GALNT10: variants seen among roughly 807,000 people sequenced by gnomAD.
GALNT10 encodes polypeptide N-acetylgalactosaminyltransferase 10, also known as GalNAc transferase 10.
In GALNT10, 41 loss-of-function variants were observed where a neutral mutation model predicts 75.0. The ratio of observed to expected loss-of-function variants is 0.55; its 90% CI spans 0.43 to 0.71. GALNT10 has a LOEUF of 0.71. Among genes scored for constraint, GALNT10 ranks in the 30% least tolerant of loss-of-function variants. The probability of loss-of-function intolerance (pLI) is 0.00; values close to 1 mark genes in which losing one functional copy is unlikely to be tolerated. For missense variants in GALNT10, 727 were observed against 818.5 expected (o/e 0.89, Z 1.36); for synonymous variants, 302 against 313.0 (o/e 0.96, Z 0.37).
chr5:154,405,538 C>T (rs924908700), intron 8 of GALNT10, among the ~76,000 whole-genome samples: 5 of 152,008 alleles, frequency 3.3e-5, no homozygotes, highest in Admixed American at 2.0e-4. Flanking sequence ...GAGGAGGGAG[C>T]CAGGCAGGAA....
intron 1 of GALNT10, among the ~76,000 whole-genome samples, chr5:154,264,312 C>T (rs74460668): frequency 3.6e-5 from 2 of 55,556 alleles, no homozygotes; most frequent in African/African-American, 2.6e-4. Context: ...GACTCTGTCT[C>T]CAAAAAAAAA....
intron 3 of GALNT10, among the ~76,000 whole-genome samples, chr5:154,301,681 C>G (rs1015729643): frequency 1.3e-5 from 2 of 151,906 alleles, no homozygotes; most frequent in Admixed American, 1.3e-4. Context: ...GGCAAAACCT[C>G]ATCACATTTG....
chr5:154,211,321 C>T (rs926531225), intron 1 of GALNT10, among the ~76,000 whole-genome samples: 3 of 152,016 alleles, frequency 2.0e-5, no homozygotes, highest in Non-Finnish European at 4.4e-5. Flanking sequence ...TTGAACTGTT[C>T]AGTCAACGTT....
At position 154,301,904 on chromosome 5, in the gene GALNT10, A is replaced by T. The variant is rs569735446; in HGVS notation, c.401+3825A>T. 9.9e-5 allele frequency among the ~76,000 whole-genome samples: 15 copies of T among 151,996 alleles called. No homozygotes were observed. The East Asian group carries it at 2.7e-3, about 28-fold the overall frequency. ...CCTTAGATACCTCTGTCACCAGCCC[A>T]CCCACCCAGCCAGCCAGCCAGCATC... On this transcript the variant is annotated intron_variant, in intron 3 of 11. Coordinates refer to ENST00000297107, the MANE Select transcript of GALNT10 (RefSeq NM_198321.4).
intron 1 of GALNT10, among the ~76,000 whole-genome samples, chr5:154,232,289 T>C (rs1352608406): frequency 6.6e-6 from 1 of 152,162 alleles, no homozygotes. Context: ...TATTGTAAGG[T>C]TAATTGGCTA....
chr5:154,210,701 G>T (rs963273148), intron 1 of GALNT10, among the ~76,000 whole-genome samples: 1 of 151,790 alleles, frequency 6.6e-6, no homozygotes, highest in Non-Finnish European at 1.5e-5. Context: ...TTTGATGAGT[G>T]AAAAAAGGAA....
At chr5:154,351,345 C>G (rs938445370) in intron 4 of GALNT10, among the ~76,000 whole-genome samples, 1 of 152,214 alleles carries the variant, frequency 6.6e-6, no homozygotes, top group African/African-American at 2.4e-5. Flanking sequence ...AGTGTGCAGC[C>G]TTGTGTCCAC....
intron 1 of GALNT10, among the ~76,000 whole-genome samples, chr5:154,279,701 C>T (rs987393543): frequency 3.3e-5 from 5 of 152,216 alleles, no homozygotes; most frequent in African/African-American, 1.2e-4. Flanking sequence ...CCATCTCATC[C>T]TCCCAAGTAG....
intron 1 of GALNT10, chr5:154,287,554 T>G (rs913028940): frequency 1.3e-5 from 2 of 152,152 alleles, no homozygotes; most frequent in Non-Finnish European, 2.9e-5. Flanking sequence ...ATCTATCGAA[T>G]TTATCTGTAC....
intron 7 of GALNT10, chr5:154,387,824 A>T (rs1755829429): frequency 6.6e-6 from 1 of 150,880 alleles, no homozygotes; most frequent in Admixed American, 6.6e-5. Flanking sequence ...GATTAGCCCA[A>T]AAAAAAAAAA....
At chr5:154,219,015 C>G (rs1323287724) in intron 1 of GALNT10, among the ~76,000 whole-genome samples, 1 of 152,190 alleles carries the variant, frequency 6.6e-6, no homozygotes, top group African/African-American at 2.4e-5. Flanking sequence ...CTGCCCAGAG[C>G]CCTCCCCCGG....
At chr5:154,287,013 T>C (rs1242856718) in intron 1 of GALNT10, among the ~76,000 whole-genome samples, 2 of 152,238 alleles carry the variant, frequency 1.3e-5, no homozygotes, top group African/African-American at 4.8e-5. Flanking sequence ...CACTTAAGTC[T>C]GACTGTGGGG....
chr5:154,217,069 G>T (rs1752884658), intron 1 of GALNT10, among the ~76,000 whole-genome samples: 1 of 152,100 alleles, frequency 6.6e-6, no homozygotes, highest in Admixed American at 6.5e-5. Flanking sequence ...TGAGCCATTT[G>T]CCCATAAAAA....
intron 4 of GALNT10, among the ~76,000 whole-genome samples, chr5:154,342,966 T>A (rs2113132883): frequency 6.6e-6 from 1 of 152,354 alleles, no homozygotes; most frequent in East Asian, 1.9e-4. Flanking sequence ...TTTATACTTT[T>A]TCAGGATTTT....
At chr5:154,348,312 A>G (rs958955925) in intron 4 of GALNT10, among the ~76,000 whole-genome samples, 1 of 152,234 alleles carries the variant, frequency 6.6e-6, no homozygotes, top group Admixed American at 6.5e-5. Flanking sequence ...TTGTAATACC[A>G]TCTTAGATAT....
chr5:154,303,414 A>T (rs997575236), intron 3 of GALNT10, among the ~76,000 whole-genome samples: 7 of 152,318 alleles, frequency 4.6e-5, no homozygotes, highest in South Asian at 2.1e-4. Context: ...ACCTACAGAG[A>T]TCTACAGAGT....
intron 4 of GALNT10, among the ~76,000 whole-genome samples, chr5:154,363,200 A>G (rs1755418755): frequency 1.3e-5 from 2 of 152,206 alleles, no homozygotes; most frequent in Non-Finnish European, 2.9e-5. Flanking sequence ...TGGGTGAGAA[A>G]TAGAGCAAAC....
intron 1 of GALNT10, among the ~76,000 whole-genome samples, chr5:154,214,637 A>G (rs1472080990): frequency 6.6e-6 from 1 of 152,216 alleles, no homozygotes; most frequent in Non-Finnish European, 1.5e-5. Flanking sequence ...TATTCATTAC[A>G]CACCGAGGTT....
intron 1 of GALNT10, among the ~76,000 whole-genome samples, chr5:154,284,249 G>GT (rs756214039): frequency 1.6e-4 from 24 of 152,142 alleles, no homozygotes; most frequent in Non-Finnish European, 3.2e-4. Context: ...TGAAAATAGC[G>GT]TAACTTGCCC....
Sources: allele counts gnomAD v4.1 joint callset (sites outside exome capture counted in the v4.1 genomes callset), GRCh38; gene constraint gnomAD v4.1.1; transcripts MANE v1.5; gene names NCBI Gene and HGNC (gene_info 2026-07-23, HGNC 2026-07-21).